Variants in LRFN5 observed in about 807,000 individuals in gnomAD.
LRFN5 encodes leucine-rich repeat and fibronectin type-III domain-containing protein 5.
A neutral mutation model predicts 45.6 loss-of-function variants in LRFN5; 24 were observed. The ratio of observed to expected loss-of-function variants is 0.53; its 90% CI spans 0.38 to 0.74. The LOEUF (loss-of-function observed/expected upper bound fraction) is 0.74. LRFN5 is among the 30% of genes least tolerant of loss of function. The pLI, the probability that LRFN5 is intolerant of heterozygous loss-of-function variation, is 0.00. For missense variants in LRFN5, 776 were observed against 861.5 expected (o/e 0.90, Z 1.24); for synonymous variants, 340 against 313.8 (o/e 1.08, Z -0.88).
intron 2 of LRFN5, among the ~76,000 whole-genome samples, chr14:41,803,276 AC>A (rs1289552016): frequency 1.3e-5 from 2 of 152,244 alleles, no homozygotes; most frequent in East Asian, 1.9e-4. Context: ...CTTTTCCAAA[AC>A]TACATACCGT....
At chr14:41,838,832 C>T (rs1261651289) in intron 2 of LRFN5, among the ~76,000 whole-genome samples, 4 of 152,126 alleles carry the variant, frequency 2.6e-5, no homozygotes, top group African/African-American at 9.6e-5. Flanking sequence ...TTATTGGTGG[C>T]CATGAATGTG....
intron 1 of LRFN5, among the ~76,000 whole-genome samples, chr14:41,753,047 G>C (rs551207179): frequency 1.3e-5 from 2 of 152,080 alleles, no homozygotes; most frequent in African/African-American, 4.8e-5. Flanking sequence ...TCTTGTTTTT[G>C]TCAGATTTGT....
chr14:41,801,812 A>T (rs952339568), intron 2 of LRFN5, among the ~76,000 whole-genome samples: 15 of 152,166 alleles, frequency 9.9e-5, no homozygotes, highest in African/African-American at 3.6e-4. Flanking sequence ...GGAGAAAAGC[A>T]GCATGTTTCA....
chr14:41,725,813 A>G (rs1211790626), intron 1 of LRFN5, among the ~76,000 whole-genome samples: 1 of 152,194 alleles, frequency 6.6e-6, no homozygotes, highest in Non-Finnish European at 1.5e-5. Flanking sequence ...TCCTGAATGC[A>G]GAAGACATGC....
At chr14:41,671,339 A>G (rs910752720) in intron 1 of LRFN5, among the ~76,000 whole-genome samples, 2 of 152,106 alleles carry the variant, frequency 1.3e-5, no homozygotes, top group East Asian at 3.9e-4. Context: ...CAACACACTA[A>G]TATTTTCCTC....
chr14:41,795,537 A>C (rs375191958), intron 2 of LRFN5, among the ~76,000 whole-genome samples: 17 of 152,060 alleles, frequency 1.1e-4, no homozygotes, highest in Non-Finnish European at 1.3e-4. Context: ...AAATGTCCAA[A>C]AATGATAGAC....
intron 1 of LRFN5, among the ~76,000 whole-genome samples, chr14:41,650,421 T>C (rs1880055800): frequency 6.6e-6 from 1 of 152,132 alleles, no homozygotes; most frequent in African/African-American, 2.4e-5. Context: ...GGTGAAATGG[T>C]TGAGGTCAAT....
chr14:41,674,404 G>A (rs1881469451), intron 1 of LRFN5, among the ~76,000 whole-genome samples: 1 of 137,956 alleles, frequency 7.2e-6, no homozygotes, highest in Admixed American at 6.9e-5. Context: ...CCTCCCGGAC[G>A]GGGCGGCTGG....
chr14:41,628,606 A>G (rs1025069484), intron 1 of LRFN5, among the ~76,000 whole-genome samples: 7 of 151,986 alleles, frequency 4.6e-5, no homozygotes, highest in Admixed American at 4.6e-4. Context: ...CCTGTCTATA[A>G]ATAAATAAAT....
At chr14:41,807,407 A>G (rs1012153369) in intron 2 of LRFN5, among the ~76,000 whole-genome samples, 2 of 152,202 alleles carry the variant, frequency 1.3e-5, no homozygotes, top group East Asian at 1.9e-4. Flanking sequence ...GAATGACAGC[A>G]TCTATATTTA....
chr14:41,734,928 TCCCCTGACAA>T (rs1884359188), intron 1 of LRFN5, among the ~76,000 whole-genome samples: 1 of 152,122 alleles, frequency 6.6e-6, no homozygotes. Flanking sequence ...AAGCTCCACT[TCCCCTGACAA>T]CCAAAAAAGT....
At chr14:41,777,019 A>G (rs926888922) in intron 2 of LRFN5, among the ~76,000 whole-genome samples, 1 of 151,856 alleles carries the variant, frequency 6.6e-6, no homozygotes, top group African/African-American at 2.4e-5. Flanking sequence ...ATATGAATGG[A>G]TATATCTTGA....
intron 1 of LRFN5, among the ~76,000 whole-genome samples, chr14:41,704,963 A>T (rs1883003545): frequency 6.6e-6 from 1 of 152,154 alleles, no homozygotes; most frequent in South Asian, 2.1e-4. Context: ...AATGAGATAC[A>T]GTTTAATGAT....
At chr14:41,657,174 A>T (rs1880417833) in intron 1 of LRFN5, among the ~76,000 whole-genome samples, 1 of 151,960 alleles carries the variant, frequency 6.6e-6, no homozygotes. Flanking sequence ...GCATTATGAA[A>T]CATTGTCCAG....
intron 4 of LRFN5, 35 bp from the exon 5 acceptor site, chr14:41,898,882 T>C (rs1249902137): frequency 5.0e-6 from 8 of 1,586,796 alleles, no homozygotes; most frequent in Non-Finnish European, 6.0e-6. Context: ...TTTAAAAAAA[T>C]GAATTGTTTA....
chr14:41,882,668 C>G (rs566630506), intron 2 of LRFN5, among the ~76,000 whole-genome samples: 2 of 152,200 alleles, frequency 1.3e-5, no homozygotes, highest in African/African-American at 4.8e-5. Context: ...TATTTTCTCA[C>G]TGCTGCTATT....
rs1886224317 is a variant in LRFN5, at chr14:41,774,975, T to C, written c.-21+7946T>C. Reference sequence around the variant, plus strand: ...AAACTTCCCTTTGGCCTCTTAGGAATAATGAAGGATAACTGACTCAACATA... The same window carrying C: ...AAACTTCCCTTTGGCCTCTTAGGAACAATGAAGGATAACTGACTCAACATA... On this transcript the variant is annotated intron_variant, in intron 2 of 5. Transcript: ENST00000298119. Among the ~76,000 whole-genome samples, 3 of 151,986 alleles carry C rather than the reference T, an allele frequency of 2.0e-5. No homozygotes were observed. In the South Asian group the frequency reaches 6.2e-4, roughly 31 times the overall value.
At chr14:41,770,151 A>T (rs374521477) in intron 2 of LRFN5, among the ~76,000 whole-genome samples, 1 of 152,222 alleles carries the variant, frequency 6.6e-6, no homozygotes, top group African/African-American at 2.4e-5. Flanking sequence ...CCAGGAATTT[A>T]CTCATCACCA....
intron 2 of LRFN5, among the ~76,000 whole-genome samples, chr14:41,819,959 GT>G (rs71105404): frequency 4.2e-4 from 62 of 147,860 alleles, no homozygotes; most frequent in South Asian, 1.3e-3. Context: ...AGGGTTATTT[GT>G]TTTTTTTTTT....
Sources: gnomAD v4.1 joint callset for allele counts (sites outside exome capture counted in the v4.1 genomes callset) on GRCh38, gnomAD v4.1.1 for gene constraint, MANE v1.5 for transcripts, NCBI Gene and HGNC (gene_info 2026-07-23, HGNC 2026-07-21) for gene names.